The following RYR2 variants were observed in gnomAD, a reference collection of about 807,000 sequenced individuals.
The protein encoded by RYR2 is cardiac muscle ryanodine receptor-calcium release channel.
In RYR2, 227 loss-of-function variants were observed where a neutral mutation model predicts 601.1. That is an observed-to-expected ratio of 0.38 (90% CI 0.34 to 0.42). The LOEUF is 0.42. RYR2 is among the 10% of genes least tolerant of loss of function. The pLI is 1.00. For synonymous variants in RYR2, 2,223 were observed against 2,175.1 expected (o/e 1.02, Z -0.61); for missense variants, 4,646 against 6,156.5 (o/e 0.75, Z 8.21).
intron 24 of RYR2, among the ~76,000 whole-genome samples, chr1:237,526,067 C>A (rs1558969628): frequency 6.6e-6 from 1 of 151,838 alleles, no homozygotes; most frequent in South Asian, 2.1e-4. Context: ...AATGGTAGTT[C>A]TATTTTTAGT....
Position 237,654,253 on chromosome 1 carries a change from TATA to T in RYR2, c.7825-18_7825-16del. ...AAAGGTTTTGATAGCTCATTGCTTTTATAATTGTTTTCCCACATAGCTGCTGAC... is the reference window on the plus strand; with the variant it reads ...AAAGGTTTTGATAGCTCATTGCTTTTATTGTTTTCCCACATAGCTGCTGAC... On this transcript the variant is annotated intron_variant, in intron 51 of 104. Coordinates refer to ENST00000366574, the MANE Select transcript of RYR2 (RefSeq NM_001035.3). 1 of 1,611,388 alleles carries T rather than the reference TATA, an allele frequency of 6.2e-7. No homozygotes were observed. Among genetic ancestry groups the T allele is most frequent in the Non-Finnish European group, 8.5e-7 (1 of 1,178,982 alleles).
intron 60 of RYR2, among the ~76,000 whole-genome samples, chr1:237,677,337 A>G (rs1057408113): frequency 6.6e-6 from 1 of 152,124 alleles, no homozygotes; most frequent in Non-Finnish European, 1.5e-5. Context: ...AACCTTTTCC[A>G]TATGCATGAA....
At chr1:237,397,157 G>A (rs1001813176) in intron 10 of RYR2, among the ~76,000 whole-genome samples, 2 of 151,748 alleles carry the variant, frequency 1.3e-5, no homozygotes, top group African/African-American at 4.8e-5. Flanking sequence ...AGAATCGCTT[G>A]AACGCAGGAG....
intron 102 of RYR2, among the ~76,000 whole-genome samples, chr1:237,828,879 G>A (rs1012073184): frequency 5.3e-5 from 8 of 152,132 alleles, no homozygotes; most frequent in African/African-American, 1.4e-4. Context: ...GAAGACTGTG[G>A]AAGTCTGTGG....
At chr1:237,393,842 G>A (rs1044334405) in intron 10 of RYR2, among the ~76,000 whole-genome samples, 9 of 152,304 alleles carry the variant, frequency 5.9e-5, no homozygotes, top group Middle Eastern at 3.4e-3. Context: ...TGTTCTGGAA[G>A]CCTGACTTGG....
chr1:237,723,844 A>G (rs1050704947), intron 74 of RYR2, among the ~76,000 whole-genome samples: 13 of 152,228 alleles, frequency 8.5e-5, no homozygotes, highest in Admixed American at 7.8e-4. Flanking sequence ...ACTTTACACT[A>G]CAAAGCTCAG....
At chr1:237,492,807 G>C (rs557356078) in intron 18 of RYR2, 147 bp from the exon 19 acceptor site, 11 of 973,968 alleles carry the variant, frequency 1.1e-5, no homozygotes, top group Non-Finnish European at 1.6e-5. Flanking sequence ...CTGGGTGACA[G>C]AGTGAGATGC....
At chr1:237,290,747 A>C (rs1692107828) in intron 2 of RYR2, among the ~76,000 whole-genome samples, 1 of 152,256 alleles carries the variant, frequency 6.6e-6, no homozygotes, top group Non-Finnish European at 1.5e-5. Context: ...ATATAAGTGG[A>C]TAAAATTTTA....
At chr1:237,240,186 G>C (rs1686000463) in intron 1 of RYR2, among the ~76,000 whole-genome samples, 1 of 152,184 alleles carries the variant, frequency 6.6e-6, no homozygotes, top group Admixed American at 6.5e-5. Flanking sequence ...CGTCGTCTAA[G>C]GCAGCTAGTA....
intron 40 of RYR2, 27 bp from the exon 41 acceptor site, chr1:237,627,780 T>C (rs759667069): frequency 6.5e-7 from 1 of 1,544,500 alleles, no homozygotes; most frequent in Non-Finnish European, 8.8e-7. Flanking sequence ...ATTTTTCTTT[T>C]AAAAAATATC....
intron 1 of RYR2, among the ~76,000 whole-genome samples, chr1:237,117,260 A>G (rs1670179575): frequency 6.6e-6 from 1 of 152,176 alleles, no homozygotes; most frequent in African/African-American, 2.4e-5. Flanking sequence ...TTGTTTGGGC[A>G]GGATGGGGGA....
chr1:237,160,981 G>A (rs574363942), intron 1 of RYR2, among the ~76,000 whole-genome samples: 197 of 152,096 alleles, frequency 1.3e-3, no homozygotes, highest in Non-Finnish European at 2.2e-3. Flanking sequence ...TACGGCCCAC[G>A]GCAGTTGTTT....
At chr1:237,229,261 A>G (rs1684717865) in intron 1 of RYR2, among the ~76,000 whole-genome samples, 1 of 152,254 alleles carries the variant, frequency 6.6e-6, no homozygotes, top group South Asian at 2.1e-4. Flanking sequence ...ATTCTACAGG[A>G]GAAATGTAGC....
intron 24 of RYR2, among the ~76,000 whole-genome samples, chr1:237,527,989 C>CTGTT (rs1667758835): frequency 6.6e-6 from 1 of 152,168 alleles, no homozygotes; most frequent in South Asian, 2.1e-4. Context: ...GGCTGCCTAC[C>CTGTT]TGTTAGTCAC....
At chr1:237,492,494 T>A (rs1435468652) in intron 18 of RYR2, among the ~76,000 whole-genome samples, 1 of 152,164 alleles carries the variant, frequency 6.6e-6, no homozygotes, top group Non-Finnish European at 1.5e-5. Context: ...GAGGAATGCA[T>A]TTGCTTTGTA....
chr1:237,657,136 A>C (rs1322013341), intron 53 of RYR2, among the ~76,000 whole-genome samples: 1 of 152,170 alleles, frequency 6.6e-6, no homozygotes, highest in Admixed American at 6.5e-5. Context: ...TAACAGATAC[A>C]GGTTTATGTG....
In RYR2 at chr1:237,464,542, C is replaced by T. The variant is rs1393049216; in HGVS notation, c.1613-4550C>T. Among the ~76,000 whole-genome samples the T allele has an allele frequency of 2.0e-5, 3 of 151,836 alleles. No individual in the cohort carries two copies. The East Asian group carries it at 5.8e-4, about 30-fold the overall frequency. On this transcript the variant is annotated intron_variant, in intron 16 of 104. Coordinates refer to ENST00000366574, the MANE Select transcript of RYR2 (RefSeq NM_001035.3). ...CTTATTTTGGAATAAGAAAATGTAC[C>T]TTTTTGACCTGGGGAAGCAGTCCCA...
intron 8 of RYR2, among the ~76,000 whole-genome samples, chr1:237,384,717 C>T (rs935958767): frequency 6.6e-6 from 1 of 152,148 alleles, no homozygotes; most frequent in Non-Finnish European, 1.5e-5. Context: ...AAATGTGAGA[C>T]ACAGGCCAAG....
chr1:237,748,992 G>A (rs1415746672), intron 80 of RYR2, among the ~76,000 whole-genome samples: 2 of 152,118 alleles, frequency 1.3e-5, no homozygotes, highest in East Asian at 3.9e-4. Context: ...ATGTACGTAG[G>A]TTAAGTGCAA....
Sources: allele counts gnomAD v4.1 joint callset (sites outside exome capture counted in the v4.1 genomes callset), GRCh38; gene constraint gnomAD v4.1.1; transcripts MANE v1.5; gene names NCBI Gene and HGNC (gene_info 2026-07-23, HGNC 2026-07-21).